HPSE2: variants seen among roughly 807,000 people sequenced by gnomAD.
The protein encoded by HPSE2 is inactive heparanase-2.
In HPSE2, 38 loss-of-function variants were observed where a neutral mutation model predicts 60.5. The observed-to-expected ratio is 0.63, with a 90% CI of 0.48 to 0.82. The LOEUF (loss-of-function observed/expected upper bound fraction) is 0.82. HPSE2 is among the 40% of genes least tolerant of loss of function. The probability of loss-of-function intolerance (pLI) is 0.00; values close to 1 mark genes in which losing one functional copy is unlikely to be tolerated. For missense variants in HPSE2, 713 were observed against 740.4 expected, an observed-to-expected ratio of 0.96 and a Z score of 0.43; for synonymous variants, 295 against 293.2, an observed-to-expected ratio of 1.01 and a Z score of -0.06.
At chr10:98,719,897 A>G (rs1321368180) in intron 5 of HPSE2, among the ~76,000 whole-genome samples, 1 of 151,704 alleles carries the variant, frequency 6.6e-6, no homozygotes, top group African/African-American at 2.4e-5. Context: ...GCTACTCGGG[A>G]GGTTGAGGCA....
the HPSE2 span, among the ~76,000 whole-genome samples, chr10:99,311,801 T>G: frequency 6.6e-6 from 1 of 152,180 alleles, no homozygotes; most frequent in African/African-American, 2.4e-5. Context: ...AAAGCTGAGA[T>G]AGGCCGAAAG....
At chr10:98,635,094 C>T (rs553943505) in intron 7 of HPSE2, among the ~76,000 whole-genome samples, 53 of 152,264 alleles carry the variant, frequency 3.5e-4, no homozygotes, top group Admixed American at 4.6e-4. Context: ...ACAAGCATCA[C>T]GTCAGTCTTG....
intron 9 of HPSE2, among the ~76,000 whole-genome samples, chr10:98,549,420 C>T (rs1178432689): frequency 1.3e-5 from 2 of 152,148 alleles, no homozygotes; most frequent in Non-Finnish European, 2.9e-5. Context: ...TTTCCTCTGG[C>T]CTCCTTCAGA....
intron 3 of HPSE2, among the ~76,000 whole-genome samples, chr10:99,096,077 C>G (rs1024743599): frequency 5.3e-5 from 8 of 152,140 alleles, no homozygotes; most frequent in Non-Finnish European, 7.4e-5. Flanking sequence ...TTTGATATAT[C>G]TTCTTCAAAT....
chr10:99,135,169 A>G (rs1419865104), intron 3 of HPSE2, among the ~76,000 whole-genome samples: 7 of 150,950 alleles, frequency 4.6e-5, no homozygotes, highest in Non-Finnish European at 1.5e-5. Flanking sequence ...AGAGTTAACT[A>G]TCCTAAATAT....
At chr10:98,991,458 A>C (rs1465648690) in intron 3 of HPSE2, among the ~76,000 whole-genome samples, 2 of 152,150 alleles carry the variant, frequency 1.3e-5, no homozygotes, top group Non-Finnish European at 2.9e-5. Flanking sequence ...GAGGCCAATG[A>C]ATATAACAAA....
chr10:98,735,234 C>G (rs1453497074), intron 4 of HPSE2, among the ~76,000 whole-genome samples: 1 of 4,194 alleles, frequency 2.4e-4, no homozygotes, highest in Non-Finnish European at 1.1e-3. Context: ...AATGCGAAAG[C>G]AAGTTTGAAA....
chr10:99,063,869 GA>G (rs1319936527), intron 3 of HPSE2, among the ~76,000 whole-genome samples: 2 of 152,118 alleles, frequency 1.3e-5, no homozygotes, highest in Non-Finnish European at 2.9e-5. Context: ...GAGCCATGTG[GA>G]TCACCTGAGG....
chr10:99,235,919 AC>A (rs554156514), upstream of HPSE2: 353 of 601,496 alleles, frequency 5.9e-4, 9 homozygotes, highest in South Asian at 5.7e-3. Flanking sequence ...TCCTCCCACC[AC>A]CCCCCCAACA....
intron 3 of HPSE2, among the ~76,000 whole-genome samples, chr10:98,949,336 A>G (rs1387413976): frequency 6.6e-6 from 1 of 152,054 alleles, no homozygotes. Context: ...CCTCCCCACA[A>G]TGGATGTAAC....
chr10:99,281,008 T>C, the HPSE2 span, among the ~76,000 whole-genome samples: 2 of 152,144 alleles, frequency 1.3e-5, no homozygotes, highest in Admixed American at 6.5e-5. Flanking sequence ...TCAAATCTCA[T>C]TGTAAAATTA....
chr10:98,546,863 A>G (rs1033148405), intron 9 of HPSE2, among the ~76,000 whole-genome samples: 1 of 150,442 alleles, frequency 6.6e-6, no homozygotes, highest in Non-Finnish European at 1.5e-5. Flanking sequence ...CAGAGTGAAC[A>G]GCCAACCTAC....
intron 3 of HPSE2, among the ~76,000 whole-genome samples, chr10:99,094,534 A>ATTTTTTTTTTT (rs1843638871): frequency 5.6e-5 from 1 of 17,776 alleles, no homozygotes; most frequent in African/African-American, 1.4e-4. Context: ...ATATATATAT[A>ATTTTTTTTTTT]TATATATTTT....
chr10:99,149,827 T>C (rs1846191921), intron 2 of HPSE2, among the ~76,000 whole-genome samples: 2 of 151,184 alleles, frequency 1.3e-5, no homozygotes, highest in South Asian at 4.2e-4. Flanking sequence ...CAAATAATCA[T>C]AAAACTCTAA....
Position 98,779,728 on chromosome 10 carries a change from G to A in HPSE2, c.611-35672C>T, listed in dbSNP as rs138295782. ...ATTTATTCAACATTTATTGAATATC[G>A]AGTCATAGCATGCACTGAGGTAAAA... On this transcript the variant is annotated intron_variant, in intron 3 of 11. Transcript: ENST00000370552. Among the ~76,000 whole-genome samples, 238 of 152,100 alleles carry A rather than the reference G, an allele frequency of 1.6e-3. 3 individuals are homozygous for A. Among genetic ancestry groups the A allele is most frequent in the African/African-American group, 5.3e-3 (221 of 41,504 alleles).
chr10:98,702,866 A>G (rs1409938246), intron 5 of HPSE2, among the ~76,000 whole-genome samples: 1 of 152,180 alleles, frequency 6.6e-6, no homozygotes, highest in Non-Finnish European at 1.5e-5. Flanking sequence ...ATCACAGTTA[A>G]AAGAGCTAGA....
At chr10:99,139,221 G>C (rs186972598) in intron 3 of HPSE2, among the ~76,000 whole-genome samples, 1 of 152,086 alleles carries the variant, frequency 6.6e-6, no homozygotes, top group South Asian at 2.1e-4. Context: ...ACTTATAAGA[G>C]AGAGCTAAGC....
intron 9 of HPSE2, among the ~76,000 whole-genome samples, chr10:98,520,916 T>C (rs1175694846): frequency 1.3e-5 from 2 of 152,020 alleles, no homozygotes; most frequent in South Asian, 2.1e-4. Context: ...ATAAATGGTG[T>C]GGGGAAAACT....
chr10:98,671,286 C>T (rs985027692), intron 6 of HPSE2, among the ~76,000 whole-genome samples: 1 of 152,138 alleles, frequency 6.6e-6, no homozygotes, highest in African/African-American at 2.4e-5. Flanking sequence ...AAAATGGGGT[C>T]ACCTCATCTT....
Sources: gnomAD v4.1 joint callset for allele counts (sites outside exome capture counted in the v4.1 genomes callset) on GRCh38, gnomAD v4.1.1 for gene constraint, MANE v1.5 for transcripts, NCBI Gene and HGNC (gene_info 2026-07-23, HGNC 2026-07-21) for gene names.